AFG3L2: variants seen among roughly 807,000 people sequenced by gnomAD.
AFG3L2 encodes AFG3 like matrix AAA peptidase subunit 2, also known as mitochondrial inner membrane m-AAA protease component AFG3L2.
AFG3L2 carries 54 observed loss-of-function variants against 94.5 expected under a neutral mutation model. The ratio of observed to expected loss-of-function variants is 0.57; its 90% CI spans 0.46 to 0.72. AFG3L2 has a LOEUF of 0.72. AFG3L2 is among the 30% of genes least tolerant of loss of function. The pLI is 0.00. For missense variants in AFG3L2, 754 were observed against 994.9 expected, an observed-to-expected ratio of 0.76 and a Z score of 3.26; for synonymous variants, 377 against 365.5, an observed-to-expected ratio of 1.03 and a Z score of -0.36.
chr18:12,339,236 C>CAA (rs539968042), intron 15 of AFG3L2, among the ~76,000 whole-genome samples: 456 of 41,290 alleles, frequency 0.011, 36 homozygotes, highest in African/African-American at 0.033. Context: ...GACTCTGTCT[C>CAA]AAAAAAAAAA....
In AFG3L2 at chr18:12,365,971, T is replaced by A. The variant is rs532462484; in HGVS notation, c.552+994A>T. On this transcript the variant is annotated intron_variant, in intron 5 of 16. Coordinates refer to ENST00000269143, the MANE Select transcript of AFG3L2 (RefSeq NM_006796.3). ...CTCACTGCAAGCTCCGCCTCCCGGGTTCACGCCATTCTCCTGCCTCAGACT... is the reference window on the plus strand; with the variant it reads ...CTCACTGCAAGCTCCGCCTCCCGGGATCACGCCATTCTCCTGCCTCAGACT... Among the ~76,000 whole-genome samples, 8 of 146,900 alleles carry A rather than the reference T, an allele frequency of 5.4e-5. No individual in the cohort carries two copies. In the East Asian group the frequency reaches 8.3e-4, roughly 15 times the overall value.
At chr18:12,364,238 G>C (rs952490200) in intron 5 of AFG3L2, among the ~76,000 whole-genome samples, 1 of 152,148 alleles carries the variant, frequency 6.6e-6, no homozygotes, top group Non-Finnish European at 1.5e-5. Flanking sequence ...GTTTACGCAA[G>C]CTGACACTTC....
rs575820023 is a variant in AFG3L2 at position 12,362,648 on chromosome 18, G to A, written c.627+1134C>T. On this transcript the variant is annotated intron_variant, in intron 6 of 16. Coordinates refer to ENST00000269143, the MANE Select transcript of AFG3L2 (RefSeq NM_006796.3). ...CCGCCAATGTCAAAATCACCCGTAG[G>A]GACGGCACTGCCCCCAAGGACAACT... Among the ~76,000 whole-genome samples, 3 of 146,440 alleles carry A rather than the reference G, an allele frequency of 2.0e-5. No individual in the cohort carries two copies. In the South Asian group the frequency reaches 6.2e-4, roughly 30 times the overall value.
chr18:12,363,717 T>C, intron 6 of AFG3L2, 65 bp downstream of exon 6: 1 of 1,371,172 alleles, frequency 7.3e-7, no homozygotes, highest in Non-Finnish European at 1.0e-6. Context: ...CAGGTTTTCC[T>C]TTCAGCTTTA....
chr18:12,332,743 C>A (rs1035626496), intron 16 of AFG3L2, among the ~76,000 whole-genome samples: 1 of 148,618 alleles, frequency 6.7e-6, no homozygotes, highest in African/African-American at 2.5e-5. Context: ...TACTATAATG[C>A]TCTGATTTTA....
Position 12,351,400 on chromosome 18 carries a change from T to C in AFG3L2, c.1332A>G (p.Thr444=), listed in dbSNP as rs1348622009. ...LLVEMDGFNT[T]TNVVILAGTN... Reference sequence around the variant, plus strand: ...TGCCGGCCAAAATGACGACATTTGTTGTTGTATTAAAACCTGAAAGATAAC... The same window carrying C: ...TGCCGGCCAAAATGACGACATTTGTCGTTGTATTAAAACCTGAAAGATAAC... Residue 444 remains threonine (T), a synonymous_variant, in exon 11 of 17, where the codon ACA becomes ACG. Coordinates refer to ENST00000269143, the MANE Select transcript of AFG3L2 (RefSeq NM_006796.3). The C allele has an allele frequency of 6.2e-7, 1 of 1,614,168 alleles. No individual in the cohort carries two copies. The highest frequency in any genetic ancestry group is 1.3e-5 in the African/African-American group (1 of 75,050).
chr18:12,353,104 C>A lies in AFG3L2; in HGVS notation c.1219G>T (p.Asp407Tyr). ...RKNAPCILFI[D>Y]EIDAVGRKRG... is the part of the protein sequence containing the mutation. ...TTCCTTCCCACCGCATCGATTTCAT[C>A]GATGAAGAGGATGCAAGGGGCATTC... Residue 407 changes from aspartate to tyrosine, a missense_variant, in exon 10 of 17, where the codon GAT becomes TAT. This residue lies in a region of AFG3L2 where 109 missense variants were observed against 227.1 expected (regional missense o/e 0.48). Transcript: ENST00000269143. 1 of 1,614,168 alleles carries A rather than the reference C, an allele frequency of 6.2e-7. No homozygotes were observed. The highest frequency in any genetic ancestry group is 8.5e-7 in the Non-Finnish European group (1 of 1,180,034).
intron 5 of AFG3L2, among the ~76,000 whole-genome samples, chr18:12,365,747 G>C: frequency 6.6e-6 from 1 of 151,986 alleles, no homozygotes; most frequent in East Asian, 1.9e-4. Context: ...ACCTCAGTAA[G>C]TATTCATGTC....
At position 12,359,330 on chromosome 18, in the gene AFG3L2, T is replaced by C. The variant is rs149379863; in HGVS notation, c.753-387A>G. On this transcript the variant is annotated intron_variant, in intron 7 of 16. Transcript: ENST00000269143. ...TTTGATACAAAGGGGTTCTTTATGC[T>C]AAAATCCTACCAAAGGTCAATGCAT... is the stretch of plus-strand genomic sequence containing the variant. 9.7e-4 allele frequency among the ~76,000 whole-genome samples: 148 copies of C among 152,264 alleles called. 1 individual carries two copies. Among genetic ancestry groups the C allele is most frequent in the African/African-American group, 3.5e-3 (144 of 41,550 alleles).
At position 12,370,919 on chromosome 18, in the gene AFG3L2, T is replaced by G; in HGVS notation, c.222A>C (p.Glu74Asp). ...CATTTTTTCCATTAGGAAAGTATTT[T>G]TCAAATCCTGTTAGAAAAAGAAAAA... Reference protein sequence around the residue: ...RFCSRPPKGFEKYFPNGKNGK... With the variant: ...RFCSRPPKGFDKYFPNGKNGK... Residue 74 changes from glutamate to aspartate, a missense_variant, in exon 3 of 17, where the codon GAA becomes GAC. Glu to Asp is a conservative substitution (Grantham distance 45). Transcript: ENST00000269143. 6.4e-7 allele frequency: 1 copy of G among 1,551,792 alleles called. No homozygotes were observed. The highest frequency in any genetic ancestry group is 2.2e-5 in the East Asian group (1 of 44,534).
intron 16 of AFG3L2, among the ~76,000 whole-genome samples, chr18:12,333,091 T>TA (rs1907617568): frequency 1.1e-5 from 1 of 94,536 alleles, no homozygotes. Context: ...ATATAATAGA[T>TA]TATAATCTAT....
chr18:12,368,949 T>G (rs1256759874), intron 3 of AFG3L2, among the ~76,000 whole-genome samples: 2 of 152,056 alleles, frequency 1.3e-5, no homozygotes, highest in Non-Finnish European at 2.9e-5. Flanking sequence ...ACCCCTCTAG[T>G]GTAGCAGGAT....
intron 6 of AFG3L2, among the ~76,000 whole-genome samples, chr18:12,361,242 C>T (rs1418627534): frequency 2.6e-5 from 4 of 152,082 alleles, no homozygotes; most frequent in South Asian, 4.1e-4. Context: ...TGGTGGCACC[C>T]ACCTATAGGC....
Position 12,329,097 on chromosome 18 carries a change from T to G in AFG3L2, c.*468A>C. 1 of 702,472 alleles carries G rather than the reference T, an allele frequency of 1.4e-6. No individual in the cohort carries two copies. The highest frequency in any genetic ancestry group is 2.6e-6 in the Non-Finnish European group (1 of 384,772). The allele number at this position is 702,472 out of a possible 1,614,324, so 43.5% of individuals were successfully genotyped here. A position where few individuals can be genotyped will look rare whatever the true frequency, so the allele number is the denominator to read the frequency against. ...TGATCTGGATTCAATCTTTAAAATA[T>G]TAAGTCAAATTAAAATGTTCTTATC... On this transcript the variant is annotated 3_prime_UTR_variant, in exon 17 of 17. Transcript: ENST00000269143.
chr18:12,332,970 A>C (rs1598817907), intron 16 of AFG3L2, among the ~76,000 whole-genome samples: 12 of 26,946 alleles, frequency 4.5e-4, no homozygotes, highest in Admixed American at 1.4e-3. Context: ...ATAATATATT[A>C]TATATTATAT....
intron 10 of AFG3L2, 135 bp from the exon 11 acceptor site, chr18:12,351,548 TG>T (rs1453588566): frequency 3.3e-5 from 28 of 837,548 alleles, no homozygotes; most frequent in African/African-American, 2.1e-4. Flanking sequence ...TAGTGTTTTT[TG>T]TTTTTTTTTT....
chr18:12,340,151 C>T (rs770961675), intron 15 of AFG3L2, 50 bp downstream of exon 15: 50 of 1,516,506 alleles, frequency 3.3e-5, no homozygotes, highest in Non-Finnish European at 4.3e-5. Context: ...GTCAATTTCT[C>T]GTGCAAATAT....
intron 16 of AFG3L2, among the ~76,000 whole-genome samples, chr18:12,334,167 C>T (rs1008012175): frequency 6.6e-6 from 1 of 152,246 alleles, no homozygotes; most frequent in African/African-American, 2.4e-5. Context: ...TTCTCCATAG[C>T]CTCCCTACCT....
chr18:12,367,537 T>C (rs962211199), intron 3 of AFG3L2, among the ~76,000 whole-genome samples, 155 bp from the exon 4 acceptor site: 3 of 152,180 alleles, frequency 2.0e-5, no homozygotes, highest in Non-Finnish European at 4.4e-5. Context: ...AGAATACAAA[T>C]ACAAAGCTTA....
Sources: gnomAD v4.1 joint callset for allele counts (sites outside exome capture counted in the v4.1 genomes callset) on GRCh38, gnomAD v4.1.1 for gene constraint, gnomAD v4.1.1 regional missense constraint, MANE v1.5 for transcripts, NCBI Gene and HGNC (gene_info 2026-07-23, HGNC 2026-07-21) for gene names.